ARHGEF16: variants seen among roughly 807,000 people sequenced by gnomAD.
ARHGEF16 encodes Rho guanine exchange factor (GEF) 16.
A neutral mutation model predicts 74.1 loss-of-function variants in ARHGEF16; 59 were observed. That is an observed-to-expected ratio of 0.80 (90% confidence interval 0.65 to 0.99). The LOEUF (loss-of-function observed/expected upper bound fraction) is 0.99, where lower values mean the gene tolerates loss of function less well. Among genes scored for constraint, ARHGEF16 ranks in the 50% least tolerant of loss-of-function variants. ARHGEF16 has a pLI of 0.00. For synonymous variants in ARHGEF16, 415 were observed against 412.6 expected, an observed-to-expected ratio of 1.01 and a Z score of -0.07; for missense variants, 948 against 986.6, an observed-to-expected ratio of 0.96 and a Z score of 0.52.
chr1:3,462,955 GGGAGCTGTACT>G (rs1169949177), intron 1 of ARHGEF16, 100 bp from the exon 2 acceptor site: 1 of 704,690 alleles, frequency 1.4e-6, no homozygotes, highest in East Asian at 2.8e-5. Context: ...GCTGTGTCCT[GGGAGCTGTACT>G]GGAGCCCCGG....
chr1:3,469,597 A>G lies in ARHGEF16; in HGVS notation c.1022+4A>G, dbSNP rs374708416. ...ATGTCCTGGGTGCCAGTCAGAGGTGAGGCCACGCCACAGCCTTCCACACAG... is the reference window on the plus strand; with the variant it reads ...ATGTCCTGGGTGCCAGTCAGAGGTGGGGCCACGCCACAGCCTTCCACACAG... On this transcript the variant is annotated splice_donor_region_variant and intron_variant, in intron 6 of 14. Coordinates refer to ENST00000378378, the MANE Select transcript of ARHGEF16 (RefSeq NM_014448.4). 1.2e-6 allele frequency: 2 copies of G among 1,612,678 alleles called. No individual in the cohort carries two copies. The highest frequency in any genetic ancestry group is 1.7e-6 in the Non-Finnish European group (2 of 1,179,958).
intron 6 of ARHGEF16, among the ~76,000 whole-genome samples, chr1:3,471,944 G>C (rs1029711032): frequency 6.6e-6 from 1 of 152,208 alleles, no homozygotes; most frequent in South Asian, 2.1e-4. Flanking sequence ...CTGGGTCCTC[G>C]TCCACGGGGA....
chr1:3,462,903 C>T (rs999904036), intron 1 of ARHGEF16, among the ~76,000 whole-genome samples, 163 bp from the exon 2 acceptor site: 2 of 152,220 alleles, frequency 1.3e-5, no homozygotes, highest in Non-Finnish European at 2.9e-5. Context: ...CTGGCTGTGC[C>T]ACTGATCCAC....
At position 3,463,407 on chromosome 1, in the gene ARHGEF16, T is replaced by A; in HGVS notation, c.323T>A (p.Phe108Tyr). The change falls in exon 2 of 15, where the codon TTC becomes TAC. Residue 108 changes from phenylalanine (F) to tyrosine (Y), a missense_variant. Coordinates refer to ENST00000378378, the MANE Select transcript of ARHGEF16 (RefSeq NM_014448.4). Reference sequence around the variant, plus strand: ...AAGACCCCAGCCCGCCACCAGAGCTTCGGGGCGGCTGTACTTAGCAGGGAG... The same window carrying A: ...AAGACCCCAGCCCGCCACCAGAGCTACGGGGCGGCTGTACTTAGCAGGGAG... The part of the protein sequence containing the change: ...KAKTPARHQS[F>Y]GAAVLSREAA... 1 of 1,550,002 alleles carries A rather than the reference T, an allele frequency of 6.5e-7. No homozygotes were observed. The highest frequency in any genetic ancestry group is 8.7e-7 in the Non-Finnish European group (1 of 1,146,812).
chr1:3,471,881 C>T (rs948067689), intron 6 of ARHGEF16: 40 of 1,004,192 alleles, frequency 4.0e-5, no homozygotes, highest in Middle Eastern at 2.8e-4. Context: ...GGCCTGGGCA[C>T]GTACGCATGT....
At chr1:3,477,321 A>AT (rs1639910030) in intron 10 of ARHGEF16, among the ~76,000 whole-genome samples, 2 of 8,468 alleles carry the variant, frequency 2.4e-4, no homozygotes, top group Admixed American at 1.2e-3. Context: ...CACACTACCC[A>AT]CCCCATCACC....
intron 3 of ARHGEF16, among the ~76,000 whole-genome samples, chr1:3,466,759 C>A (rs1639558391): frequency 6.6e-6 from 1 of 152,204 alleles, no homozygotes; most frequent in Non-Finnish European, 1.5e-5. Flanking sequence ...CTCGAGTGCC[C>A]AGCTCCAGGC....
intron 1 of ARHGEF16, among the ~76,000 whole-genome samples, chr1:3,460,812 C>T (rs1242892452): frequency 2.0e-5 from 3 of 152,124 alleles, no homozygotes; most frequent in East Asian, 1.9e-4. Flanking sequence ...GAGGAATGTA[C>T]CCTCCCGGCC....
Position 3,463,453 on chromosome 1 carries a change from G to A in ARHGEF16, c.369G>A (p.Lys123=). ...GGGAGGCCGCCCGGCGGGACCCTAA[G>A]CTCCTCCCAGCCCCCAGCTTCTCCC... The part of the protein sequence containing the change: ...LSREAARRDP[K]LLPAPSFSLD... Residue 123 remains lysine, a synonymous_variant, in exon 2 of 15, where the codon AAG becomes AAA. Coordinates refer to ENST00000378378, the MANE Select transcript of ARHGEF16 (RefSeq NM_014448.4). The A allele has an allele frequency of 6.5e-7, 1 of 1,540,830 alleles. No individual in the cohort carries two copies. The highest frequency in any genetic ancestry group is 8.8e-7 in the Non-Finnish European group (1 of 1,141,764).
intron 10 of ARHGEF16, 50 bp from the exon 11 acceptor site, chr1:3,477,825 C>G (rs1557698343): frequency 1.9e-6 from 3 of 1,563,914 alleles, no homozygotes; most frequent in Admixed American, 3.4e-5. Context: ...CCGGCTCTGT[C>G]CCCCCCAGTC....
At position 3,477,868 on chromosome 1, in the gene ARHGEF16, C is replaced by T. The variant is rs1172761740; in HGVS notation, c.1474-7C>T. The T allele has an allele frequency of 3.1e-6, 5 of 1,602,748 alleles. No homozygotes were observed. In the African/African-American group the frequency reaches 6.7e-5, roughly 21 times the overall value. On this transcript the variant is annotated splice_region_variant and splice_polypyrimidine_tract_variant and intron_variant, in intron 10 of 14. Coordinates refer to ENST00000378378, the MANE Select transcript of ARHGEF16 (RefSeq NM_014448.4). ...CTGATCTCCGCCTCCCGGCTCTGTC[C>T]CCCCAGTCCCTCCCACTGATCTCTG...
intron 1 of ARHGEF16, among the ~76,000 whole-genome samples, chr1:3,458,006 C>T (rs1016637957): frequency 6.6e-6 from 1 of 152,192 alleles, no homozygotes; most frequent in Non-Finnish European, 1.5e-5. Context: ...CTGCCCTGGC[C>T]CAGCCTCTGC....
intron 4 of ARHGEF16, 133 bp downstream of exon 4, chr1:3,467,470 T>C: frequency 8.9e-7 from 1 of 1,126,728 alleles, no homozygotes; most frequent in Non-Finnish European, 1.2e-6. Context: ...GTGGGCAGCC[T>C]TCCCAGAAGC....
chr1:3,473,147 G>C lies in ARHGEF16; in HGVS notation c.1092G>C (p.Glu364Asp). The C allele has an allele frequency of 6.2e-7, 1 of 1,613,470 alleles. No homozygotes were observed. Among genetic ancestry groups the C allele is most frequent in the Admixed American group, 1.7e-5 (1 of 60,020 alleles). The stretch of plus-strand genomic sequence containing the variant: ...TCGAGGACATCAGTGACATCCTGGA[G>C]GAGCACGCTGAGAAGCACTTCCACC... The part of the protein sequence containing the change: ...VLVEDISDIL[E>D]EHAEKHFHPY... The change falls in exon 7 of 15, where the codon GAG becomes GAC. Residue 364 changes from glutamate to aspartate, a missense_variant. Coordinates refer to ENST00000378378, the MANE Select transcript of ARHGEF16 (RefSeq NM_014448.4).
intron 9 of ARHGEF16, 140 bp downstream of exon 9, chr1:3,474,922 A>G (rs1452904761): frequency 9.0e-6 from 6 of 666,360 alleles, no homozygotes; most frequent in African/African-American, 5.5e-5. Context: ...ATCCATCCCA[A>G]GCCTTTCACA....
In ARHGEF16 at chr1:3,466,193, G is replaced by C. The variant is rs752041842; in HGVS notation, c.634G>C (p.Asp212His). The C allele has an allele frequency of 6.5e-7, 1 of 1,542,562 alleles. No homozygotes were observed. The highest frequency in any genetic ancestry group is 1.2e-5 in the South Asian group (1 of 82,740). The stretch of plus-strand genomic sequence containing the variant: ...TGGGCACAAGGGTTCCTTCAAGGAC[G>C]GTGAGTGTGGCTTCGGGAGGCACCG... ...KRGHKGSFKD[D>H]PQLYQEIQER... Residue 212 changes from aspartate (D) to histidine (H), a missense_variant and splice_region_variant, in exon 3 of 15, where the codon GAC becomes CAC. Transcript: ENST00000378378.
At chr1:3,470,812 G>T (rs1262164348) in intron 6 of ARHGEF16, among the ~76,000 whole-genome samples, 1 of 148,464 alleles carries the variant, frequency 6.7e-6, no homozygotes, top group Non-Finnish European at 1.5e-5. Context: ...GGGTGTATGT[G>T]CATGGATGTG....
At position 3,455,353 on chromosome 1, in the gene ARHGEF16, G is replaced by T. The variant is rs553076109; in HGVS notation, c.-20+542G>T. On this transcript the variant is annotated intron_variant, in intron 1 of 14. Transcript: ENST00000378378. ...CACCCAAGACAAACCCAAACCATACGCCCCTCCCCCACCCTTGACCTTGGT... is the reference window on the plus strand; with the variant it reads ...CACCCAAGACAAACCCAAACCATACTCCCCTCCCCCACCCTTGACCTTGGT... Among the ~76,000 whole-genome samples, 10 of 152,036 alleles carry T rather than the reference G, an allele frequency of 6.6e-5. No homozygotes were observed. In the South Asian group the frequency reaches 2.1e-3, roughly 32 times the overall value.
chr1:3,472,794 C>G (rs1569866276), intron 6 of ARHGEF16: 1 of 426,114 alleles, frequency 2.3e-6, no homozygotes, highest in East Asian at 4.4e-5. Flanking sequence ...CCTGGGGCTG[C>G]CCCTGGACAA....
Sources: allele counts gnomAD v4.1 joint callset (sites outside exome capture counted in the v4.1 genomes callset), GRCh38; gene constraint gnomAD v4.1.1; transcripts MANE v1.5; gene names NCBI Gene and HGNC (gene_info 2026-07-23, HGNC 2026-07-21).